FARSB: variants seen among roughly 807,000 people sequenced by gnomAD.
FARSB encodes the protein phenylalanine--tRNA ligase beta subunit.
Under a neutral mutation model 69.6 loss-of-function variants are expected in FARSB, and 40 were observed. That is an observed-to-expected ratio of 0.57 (90% confidence interval 0.45 to 0.75). The LOEUF is 0.75. FARSB is among the 30% of genes least tolerant of loss of function. The probability of loss-of-function intolerance (pLI) is 0.00; values close to 1 mark genes in which losing one functional copy is unlikely to be tolerated. For missense variants in FARSB, 632 were observed against 722.9 expected (o/e 0.87, Z 1.44); for synonymous variants, 235 against 247.2 (o/e 0.95, Z 0.46).
intron 16 of FARSB, among the ~76,000 whole-genome samples, chr2:222,576,841 G>T (rs772983345): frequency 1.1e-4 from 17 of 152,188 alleles, no homozygotes; most frequent in Admixed American, 3.9e-4. Flanking sequence ...GGACTCTGCT[G>T]CCAGCTCATC....
At chr2:222,633,544 T>C (rs1205600081) in intron 6 of FARSB, among the ~76,000 whole-genome samples, 1 of 151,800 alleles carries the variant, frequency 6.6e-6, no homozygotes, top group African/African-American at 2.4e-5. Context: ...TAGCCAGGCG[T>C]GGTGGCACAT....
At chr2:222,607,662 TAAGAA>T (rs1690737966) in intron 15 of FARSB, among the ~76,000 whole-genome samples, 1 of 150,574 alleles carries the variant, frequency 6.6e-6, no homozygotes, top group Admixed American at 6.6e-5. Flanking sequence ...AAAAAAAAAA[TAAGAA>T]AAGATTAGAA....
At position 222,639,708 on chromosome 2, in the gene FARSB, A is replaced by G. The variant is rs1691668885; in HGVS notation, c.340-13T>C. 4.6e-6 allele frequency: 6 copies of G among 1,307,170 alleles called. No homozygotes were observed. The highest frequency in any genetic ancestry group is 2.9e-5 in the African/African-American group (2 of 68,346). The allele number at this position is 1,307,170 out of a possible 1,614,324, so 81.0% of individuals were successfully genotyped here. ...GTATCTTAGCTGTCTGAAATTCATAATATCATTAGAGATAGCAAACAGTAA... is the reference window on the plus strand; with the variant it reads ...GTATCTTAGCTGTCTGAAATTCATAGTATCATTAGAGATAGCAAACAGTAA... On this transcript the variant is annotated splice_polypyrimidine_tract_variant and intron_variant, in intron 4 of 16. Coordinates refer to ENST00000281828, the MANE Select transcript of FARSB (RefSeq NM_005687.5).
intron 16 of FARSB, among the ~76,000 whole-genome samples, chr2:222,575,592 ACT>A (rs1025827173): frequency 6.6e-6 from 1 of 152,224 alleles, no homozygotes; most frequent in Admixed American, 6.5e-5. Context: ...TACTGGTTAA[ACT>A]CTCAGCTTTG....
chr2:222,601,417 A>C (rs1267371829), intron 15 of FARSB, among the ~76,000 whole-genome samples: 1 of 151,616 alleles, frequency 6.6e-6, no homozygotes, highest in Non-Finnish European at 1.5e-5. Context: ...TCTCTACAAT[A>C]ATAATAATAA....
At chr2:222,631,567 G>T in intron 8 of FARSB, 37 bp downstream of exon 8, 2 of 1,115,692 alleles carry the variant, frequency 1.8e-6, no homozygotes, top group Non-Finnish European at 2.7e-6. Flanking sequence ...ATCTATCCCA[G>T]CTGATCATAC....
At chr2:222,642,816 A>G in intron 3 of FARSB, 35 bp downstream of exon 3, 1 of 1,506,572 alleles carries the variant, frequency 6.6e-7, no homozygotes, top group Non-Finnish European at 8.9e-7. Context: ...AGAAAACCCA[A>G]CTTAGCAAAG....
rs1691672799 is a variant in FARSB, at chr2:222,639,825, T to G, written c.340-130A>C. 6 of 404,844 alleles carry G rather than the reference T, an allele frequency of 1.5e-5. No homozygotes were observed. In the East Asian group the frequency reaches 2.1e-4, roughly 14 times the overall value. The allele number at this position is 404,844 out of a possible 1,614,324, so 25.1% of individuals were successfully genotyped here. A position where few individuals can be genotyped will look rare whatever the true frequency, so the allele number is the denominator to read the frequency against. On this transcript the variant is annotated intron_variant, in intron 4 of 16. Coordinates refer to ENST00000281828, the MANE Select transcript of FARSB (RefSeq NM_005687.5). ...TTCAAACAAGTATATATTAATTTATTCAGTCAACAAGTAATAAAGTGGTAA... is the reference window on the plus strand; with the variant it reads ...TTCAAACAAGTATATATTAATTTATGCAGTCAACAAGTAATAAAGTGGTAA...
intron 16 of FARSB, among the ~76,000 whole-genome samples, chr2:222,577,558 G>A (rs900727815): frequency 1.3e-5 from 2 of 152,146 alleles, no homozygotes; most frequent in African/African-American, 2.4e-5. Context: ...TCAACACAGG[G>A]CAGGGTATAC....
intron 1 of FARSB, among the ~76,000 whole-genome samples, chr2:222,654,175 A>G (rs1179610108): frequency 6.6e-6 from 1 of 152,208 alleles, no homozygotes; most frequent in African/African-American, 2.4e-5. Context: ...CAATTCAGGT[A>G]TACAGACTGA....
rs183359527 is a variant in FARSB, at chr2:222,584,855, C to G, written c.1619-12833G>C. Among the ~76,000 whole-genome samples the G allele has an allele frequency of 1.5e-3, 235 of 152,342 alleles. 1 individual carries two copies. The highest frequency in any genetic ancestry group is 0.013 in the Admixed American group (206 of 15,306). On this transcript the variant is annotated intron_variant, in intron 16 of 16. Coordinates refer to ENST00000281828, the MANE Select transcript of FARSB (RefSeq NM_005687.5). ...CAAAGCAGCTGGGAAGCTCAAACTG[C>G]GTGGAGCCCACCTCAGCTCAACAAG...
At position 222,569,173 on chromosome 2, in the gene FARSB, G is replaced by A. The variant is rs1452162268; in HGVS notation, c.*2698C>T. 6.6e-6 allele frequency: 1 copy of A among 152,226 alleles called. No homozygotes were observed. Among genetic ancestry groups the A allele is most frequent in the Non-Finnish European group, 1.5e-5 (1 of 68,042 alleles). 9.4% of individuals were successfully genotyped at this position (152,226 alleles called of 1,614,324 possible). A position where few individuals can be genotyped will look rare whatever the true frequency, so the allele number is the denominator to read the frequency against. Reference sequence around the variant, plus strand: ...CTACCATTTCCTGCTTCCGAGGGCAGAAACATCTACATGATGCATGGAGTT... The same window carrying A: ...CTACCATTTCCTGCTTCCGAGGGCAAAAACATCTACATGATGCATGGAGTT... On this transcript the variant is annotated 3_prime_UTR_variant, in exon 17 of 17. Coordinates refer to ENST00000281828, the MANE Select transcript of FARSB (RefSeq NM_005687.5).
intron 15 of FARSB, among the ~76,000 whole-genome samples, chr2:222,601,257 GC>G (rs1559197775): frequency 6.6e-6 from 1 of 152,078 alleles, no homozygotes; most frequent in Non-Finnish European, 1.5e-5. Flanking sequence ...TAAAAGGGTA[GC>G]TCTCATATGT....
chr2:222,639,309 T>C (rs1028075386), intron 5 of FARSB, among the ~76,000 whole-genome samples: 73 of 152,170 alleles, frequency 4.8e-4, no homozygotes, highest in Admixed American at 3.9e-3. Context: ...CTCTATACAG[T>C]ATTCAAAATA....
intron 10 of FARSB, among the ~76,000 whole-genome samples, chr2:222,627,280 A>G (rs993082861): frequency 4.6e-5 from 7 of 152,206 alleles, no homozygotes; most frequent in African/African-American, 1.7e-4. Flanking sequence ...CCAACAGAAT[A>G]ATGTTTGAAA....
intron 16 of FARSB, among the ~76,000 whole-genome samples, chr2:222,584,888 T>C (rs1238857066): frequency 6.6e-6 from 1 of 152,232 alleles, no homozygotes; most frequent in Non-Finnish European, 1.5e-5. Flanking sequence ...AAGGCCTGCC[T>C]GCCTCTGTAG....
intron 15 of FARSB, among the ~76,000 whole-genome samples, chr2:222,612,005 C>T (rs992831501): frequency 9.9e-5 from 15 of 152,020 alleles, no homozygotes; most frequent in Admixed American, 7.9e-4. Context: ...ATAAATGTAA[C>T]CATATATTTA....
At chr2:222,648,286 A>G (rs752428730) in intron 2 of FARSB, among the ~76,000 whole-genome samples, 10 of 152,194 alleles carry the variant, frequency 6.6e-5, no homozygotes, top group Non-Finnish European at 5.9e-5. Flanking sequence ...TACAAGACCA[A>G]TGAATATAGT....
chr2:222,652,777 C>T (rs1348131216), intron 1 of FARSB, among the ~76,000 whole-genome samples: 2 of 152,150 alleles, frequency 1.3e-5, no homozygotes, highest in African/African-American at 2.4e-5. Flanking sequence ...TAAGCCAGTC[C>T]CCAATTCCTG....
Sources: allele counts gnomAD v4.1 joint callset (sites outside exome capture counted in the v4.1 genomes callset), GRCh38; gene constraint gnomAD v4.1.1; transcripts MANE v1.5; gene names NCBI Gene and HGNC (gene_info 2026-07-23, HGNC 2026-07-21).